The following PELI2 variants were observed in gnomAD, a reference collection of about 807,000 sequenced individuals.
The protein encoded by PELI2 is E3 ubiquitin-protein ligase pellino homolog 2.
A neutral mutation model predicts 42.3 loss-of-function variants in PELI2; 23 were observed. That is an observed-to-expected ratio of 0.54 (90% CI 0.39 to 0.77). The LOEUF (loss-of-function observed/expected upper bound fraction) is 0.77, where lower values mean the gene tolerates loss of function less well. Ranked by LOEUF, PELI2 falls within the 30% of genes least tolerant of loss-of-function variation. The pLI is 0.00. For missense variants in PELI2, 463 were observed against 553.2 expected (o/e 0.84, Z 1.64); for synonymous variants, 245 against 212.2 (o/e 1.15, Z -1.34).
intron 2 of PELI2, among the ~76,000 whole-genome samples, chr14:56,229,921 G>C (rs1887497513): frequency 1.3e-5 from 2 of 152,226 alleles, no homozygotes; most frequent in Non-Finnish European, 2.9e-5. Flanking sequence ...TGATGGAGCT[G>C]AAAACCATGG....
intron 2 of PELI2, among the ~76,000 whole-genome samples, chr14:56,232,153 G>C (rs2139773128): frequency 6.6e-6 from 1 of 152,182 alleles, no homozygotes; most frequent in South Asian, 2.1e-4. Flanking sequence ...GGACCAGAAG[G>C]ATTCACAGCC....
chr14:56,209,177 A>G (rs1886624838), intron 2 of PELI2, among the ~76,000 whole-genome samples: 1 of 152,242 alleles, frequency 6.6e-6, no homozygotes, highest in African/African-American at 2.4e-5. Flanking sequence ...TTCAAAGTAT[A>G]AATTACACCA....
intron 1 of PELI2, among the ~76,000 whole-genome samples, chr14:56,135,409 G>A (rs1189214249): frequency 6.6e-6 from 1 of 152,198 alleles, no homozygotes; most frequent in African/African-American, 2.4e-5. Flanking sequence ...TTAATGGTGT[G>A]TAATGGGCGC....
At chr14:56,120,859 A>C (rs1883035410) in intron 1 of PELI2, among the ~76,000 whole-genome samples, 1 of 152,160 alleles carries the variant, frequency 6.6e-6, no homozygotes, top group Non-Finnish European at 1.5e-5. Flanking sequence ...GTGAAATGTG[A>C]GTAGAGGATG....
chr14:56,198,920 ATT>A (rs1357820964), intron 2 of PELI2, among the ~76,000 whole-genome samples: 1 of 152,152 alleles, frequency 6.6e-6, no homozygotes. Context: ...TGTTCACTTT[ATT>A]TTAATCATTA....
At chr14:56,247,347 CTTAA>C (rs1888200107) in intron 2 of PELI2, among the ~76,000 whole-genome samples, 1 of 152,186 alleles carries the variant, frequency 6.6e-6, no homozygotes, top group African/African-American at 2.4e-5. Context: ...ACTCTATCCC[CTTAA>C]TTTATTTAGC....
intron 1 of PELI2, among the ~76,000 whole-genome samples, chr14:56,163,084 A>T (rs182905855): frequency 1.1e-3 from 173 of 152,140 alleles, no homozygotes; most frequent in South Asian, 3.3e-3. Flanking sequence ...GAAACTTTTT[A>T]ACTTGATGTG....
chr14:56,227,393 G>C (rs1015085925), intron 2 of PELI2, among the ~76,000 whole-genome samples: 2 of 152,218 alleles, frequency 1.3e-5, no homozygotes, highest in South Asian at 4.1e-4. Flanking sequence ...TTACATACAG[G>C]AAAATAGATC....
At chr14:56,134,815 A>G (rs1308149673) in intron 1 of PELI2, among the ~76,000 whole-genome samples, 1 of 151,158 alleles carries the variant, frequency 6.6e-6, no homozygotes, top group Non-Finnish European at 1.5e-5. Flanking sequence ...TGAATATAGC[A>G]GGAAAATATA....
In PELI2 at chr14:56,296,594, T is replaced by C. The variant is rs757449317; in HGVS notation, c.697-6T>C. On this transcript the variant is annotated splice_polypyrimidine_tract_variant and splice_region_variant and intron_variant, in intron 5 of 5. Coordinates refer to ENST00000267460, the MANE Select transcript of PELI2 (RefSeq NM_021255.3). Reference sequence around the variant, plus strand: ...TTAAAAGGCATGTGTCTCAAACTTGTTGTAGGTGGAAAGTGAGACCAACGT... The same window carrying C: ...TTAAAAGGCATGTGTCTCAAACTTGCTGTAGGTGGAAAGTGAGACCAACGT... The C allele has an allele frequency of 6.3e-7, 1 of 1,579,592 alleles. No homozygotes were observed. The highest frequency in any genetic ancestry group is 1.8e-5 in the Admixed American group (1 of 55,956).
chr14:56,240,511 AGATG>A (rs1887935111), intron 2 of PELI2, among the ~76,000 whole-genome samples: 1 of 152,270 alleles, frequency 6.6e-6, no homozygotes, highest in Non-Finnish European at 1.5e-5. Flanking sequence ...GCCATATTTT[AGATG>A]GTTGGTCAGT....
chr14:56,265,775 G>T (rs2139844763), intron 2 of PELI2, among the ~76,000 whole-genome samples: 1 of 152,036 alleles, frequency 6.6e-6, no homozygotes, highest in South Asian at 2.1e-4. Context: ...TTTTGAAAAT[G>T]GGCAACAGAA....
At chr14:56,188,026 G>A (rs193178072) in intron 2 of PELI2, among the ~76,000 whole-genome samples, 4 of 152,144 alleles carry the variant, frequency 2.6e-5, no homozygotes, top group Non-Finnish European at 5.9e-5. Context: ...ATCAGTATTC[G>A]GAAAAGTTGG....
rs1594726499 is a variant in PELI2 at position 56,298,766 on chromosome 14, A to G, written c.*1600A>G. On this transcript the variant is annotated 3_prime_UTR_variant, in exon 6 of 6. Transcript: ENST00000267460. The stretch of plus-strand genomic sequence containing the variant: ...GCTTAATTTGATGTAATATGTTTAA[A>G]GTTCAGCCTCTCAGTTTTAATATAG... The G allele has an allele frequency of 6.6e-6, 1 of 152,628 alleles. No homozygotes were observed. Among genetic ancestry groups the G allele is most frequent in the African/African-American group, 2.4e-5 (1 of 41,464 alleles). 9.5% of individuals were successfully genotyped at this position (152,628 alleles called of 1,614,324 possible). A position where few individuals can be genotyped will look rare whatever the true frequency, so the allele number is the denominator to read the frequency against.
In PELI2 at chr14:56,180,933, A is replaced by G. The variant is rs769532927; in HGVS notation, c.207+2469A>G. ...TGGCTTTAACTGAATCTGATTTTCA[A>G]TGAATGCACTCTTTTGTTATTTTTT... On this transcript the variant is annotated intron_variant, in intron 2 of 5. Transcript: ENST00000267460. This position sits in a 1 kb window ranked among gnomAD's most constrained non-coding sequence, Gnocchi z 4.4. Among the ~76,000 whole-genome samples the G allele has an allele frequency of 6.6e-5, 10 of 152,258 alleles. No homozygotes were observed. In the South Asian group the frequency reaches 8.3e-4, roughly 13 times the overall value.
intron 1 of PELI2, among the ~76,000 whole-genome samples, chr14:56,126,584 G>A (rs1403337607): frequency 6.6e-6 from 1 of 152,124 alleles, no homozygotes; most frequent in Non-Finnish European, 1.5e-5. Flanking sequence ...GGTATAAAAC[G>A]GCTGATCGTG....
At chr14:56,285,774 C>T (rs1370617225) in intron 3 of PELI2, among the ~76,000 whole-genome samples, 1 of 152,030 alleles carries the variant, frequency 6.6e-6, no homozygotes, top group Non-Finnish European at 1.5e-5. Context: ...GAGGAGATAA[C>T]AGGTTTTCCA....
intron 2 of PELI2, among the ~76,000 whole-genome samples, chr14:56,249,423 C>T (rs1316147559): frequency 2.6e-5 from 4 of 152,166 alleles, no homozygotes; most frequent in Non-Finnish European, 4.4e-5. Flanking sequence ...CCCCAGATAA[C>T]GTTTTCCCTC....
At chr14:56,245,148 C>T (rs530624836) in intron 2 of PELI2, among the ~76,000 whole-genome samples, 37 of 152,274 alleles carry the variant, frequency 2.4e-4, no homozygotes, top group African/African-American at 8.7e-4. Flanking sequence ...CCAAGCGAGG[C>T]GTTTAGTAAA....
Sources: allele counts gnomAD v4.1 joint callset (sites outside exome capture counted in the v4.1 genomes callset), GRCh38; gene constraint gnomAD v4.1.1; non-coding constraint Gnocchi (gnomAD v3.1); transcripts MANE v1.5; gene names NCBI Gene and HGNC (gene_info 2026-07-23, HGNC 2026-07-21).